CYBRD1: variants seen among roughly 807,000 people sequenced by gnomAD.
CYBRD1 encodes plasma membrane ascorbate-dependent reductase CYBRD1.
Under a neutral mutation model 21.9 loss-of-function variants are expected in CYBRD1, and 14 were observed. The ratio of observed to expected loss-of-function variants is 0.64; its 90% confidence interval spans 0.42 to 1.00. The LOEUF is 1.00. Among genes scored for constraint, CYBRD1 ranks in the 50% least tolerant of loss-of-function variants. The pLI is 0.00. For missense variants in CYBRD1, 328 were observed against 352.5 expected (o/e 0.93, Z 0.56); for synonymous variants, 146 against 136.5 (o/e 1.07, Z -0.48).
chr2:171,541,834 A>G (rs1480932583), intron 2 of CYBRD1, 41 bp downstream of exon 2: 4 of 1,405,166 alleles, frequency 2.8e-6, no homozygotes, highest in Non-Finnish European at 4.0e-6. Context: ...TATAAAAACA[A>G]TTCAGAGACT....
chr2:171,530,865 G>A (rs1189821611), intron 1 of CYBRD1, among the ~76,000 whole-genome samples: 1 of 152,044 alleles, frequency 6.6e-6, no homozygotes, highest in Non-Finnish European at 1.5e-5. Context: ...TTAAAAGGTA[G>A]AACATTCTTC....
intron 2 of CYBRD1, among the ~76,000 whole-genome samples, chr2:171,542,975 A>G (rs948864750): frequency 6.6e-6 from 1 of 152,246 alleles, no homozygotes; most frequent in South Asian, 2.1e-4. Context: ...TTTTGGAAAG[A>G]AAACTTAAAA....
rs543398534 is a variant in CYBRD1 at position 171,557,384 on chromosome 2, T to G, written c.*2557T>G. 2.0e-5 allele frequency: 3 copies of G among 152,352 alleles called. No homozygotes were observed. The highest frequency in any genetic ancestry group is 4.4e-5 in the Non-Finnish European group (3 of 68,020). 9.4% of individuals were successfully genotyped at this position (152,352 alleles called of 1,614,324 possible). A position where few individuals can be genotyped will look rare whatever the true frequency, so the allele number is the denominator to read the frequency against. On this transcript the variant is annotated 3_prime_UTR_variant, in exon 4 of 4. Transcript: ENST00000321348. ...TGTCATCTCCAGAGATAATCTGGCT[T>G]GGTTTACCCCATAATCTAATTTCAG...
chr2:171,554,513 T>C lies in CYBRD1; in HGVS notation c.558-11T>C, dbSNP rs1559322064. 6.2e-7 allele frequency: 1 copy of C among 1,613,380 alleles called. No homozygotes were observed. The highest frequency in any genetic ancestry group is 8.5e-7 in the Non-Finnish European group (1 of 1,179,418). Reference sequence around the variant, plus strand: ...TCCTGTTTGTAATTGGATACATCTCTTATTTCATAGGAGAGATCCTGCATA... The same window carrying C: ...TCCTGTTTGTAATTGGATACATCTCCTATTTCATAGGAGAGATCCTGCATA... On this transcript the variant is annotated splice_polypyrimidine_tract_variant and intron_variant, in intron 3 of 3. Transcript: ENST00000321348.
intron 1 of CYBRD1, among the ~76,000 whole-genome samples, chr2:171,525,411 T>A (rs1697370020): frequency 6.6e-6 from 1 of 152,152 alleles, no homozygotes; most frequent in African/African-American, 2.4e-5. Flanking sequence ...CATGTATAGT[T>A]CTCCCCAGTT....
intron 1 of CYBRD1, among the ~76,000 whole-genome samples, chr2:171,538,794 G>A (rs1055068832): frequency 2.0e-5 from 3 of 151,836 alleles, no homozygotes; most frequent in Admixed American, 6.6e-5. Flanking sequence ...GAAGTTCTTG[G>A]GTGTTTGTTT....
chr2:171,548,759 C>G (rs973245720), intron 2 of CYBRD1, among the ~76,000 whole-genome samples: 2 of 144,254 alleles, frequency 1.4e-5, no homozygotes, highest in African/African-American at 5.2e-5. Context: ...TGTCTAAAAG[C>G]TTACACACAC....
chr2:171,549,982 AAACTTC>A (rs1266392722), intron 2 of CYBRD1, among the ~76,000 whole-genome samples: 2 of 152,246 alleles, frequency 1.3e-5, no homozygotes, highest in African/African-American at 2.4e-5. Context: ...AGTCATTTTC[AAACTTC>A]AACATACGTA....
At chr2:171,525,606 T>C (rs1697373382) in intron 1 of CYBRD1, among the ~76,000 whole-genome samples, 1 of 152,212 alleles carries the variant, frequency 6.6e-6, no homozygotes, top group African/African-American at 2.4e-5. Flanking sequence ...TTTTAGGCTA[T>C]GAGATTTCAA....
intron 1 of CYBRD1, among the ~76,000 whole-genome samples, chr2:171,530,817 T>G (rs2105331764): frequency 6.6e-6 from 1 of 152,066 alleles, no homozygotes; most frequent in African/African-American, 2.4e-5. Flanking sequence ...CCTGCTAGGG[T>G]TTTCTGACTT....
intron 2 of CYBRD1, among the ~76,000 whole-genome samples, chr2:171,552,633 A>G (rs1164963153): frequency 6.6e-6 from 1 of 152,248 alleles, no homozygotes; most frequent in African/African-American, 2.4e-5. Flanking sequence ...AGGATACTTG[A>G]TGGGCAAACG....
chr2:171,528,942 C>A (rs961725720), intron 1 of CYBRD1, among the ~76,000 whole-genome samples: 1 of 152,214 alleles, frequency 6.6e-6, no homozygotes, highest in African/African-American at 2.4e-5. Flanking sequence ...ATTCAAAATA[C>A]AGTATTATCT....
At chr2:171,533,475 G>A (rs781491796) in intron 1 of CYBRD1, among the ~76,000 whole-genome samples, 19 of 152,340 alleles carry the variant, frequency 1.2e-4, no homozygotes, top group Non-Finnish European at 2.2e-4. Context: ...CCGCCTTCAT[G>A]AATCACAAGA....
chr2:171,522,239 C>T, upstream of CYBRD1: 1 of 1,549,992 alleles, frequency 6.5e-7, no homozygotes, highest in Non-Finnish European at 8.7e-7. The surrounding 1 kb of genome is among the most constrained non-coding windows in gnomAD (Gnocchi z 4.3). Context: ...GAGCAACTAA[C>T]TAGGTCTGTT....
At chr2:171,548,166 A>G (rs1423964672) in intron 2 of CYBRD1, among the ~76,000 whole-genome samples, 1 of 152,078 alleles carries the variant, frequency 6.6e-6, no homozygotes, top group Non-Finnish European at 1.5e-5. Context: ...GTGTCATTAC[A>G]CTGGAGGAAT....
chr2:171,533,402 C>T (rs544890947), intron 1 of CYBRD1, among the ~76,000 whole-genome samples: 3 of 152,288 alleles, frequency 2.0e-5, no homozygotes, highest in African/African-American at 7.2e-5. Context: ...TACTGAATTC[C>T]TACTATATGC....
Position 171,545,129 on chromosome 2 carries a change from A to T in CYBRD1, c.402+3336A>T, listed in dbSNP as rs567173045. On this transcript the variant is annotated intron_variant, in intron 2 of 3. Transcript: ENST00000321348. Reference sequence around the variant, plus strand: ...ACTCCAGCCTGGGTGACACAGCAAGACCCTGTCTCAAAAAAAAAAAAAAAA... The same window carrying T: ...ACTCCAGCCTGGGTGACACAGCAAGTCCCTGTCTCAAAAAAAAAAAAAAAA... 3.2e-4 allele frequency among the ~76,000 whole-genome samples: 44 copies of T among 138,260 alleles called. No homozygotes were observed. In the South Asian group the frequency reaches 9.5e-3, roughly 30 times the overall value. 90.7% of individuals were successfully genotyped at this position (138,260 alleles called of 152,430 possible).
intron 1 of CYBRD1, among the ~76,000 whole-genome samples, chr2:171,524,825 T>C (rs1012057373): frequency 6.6e-6 from 1 of 152,220 alleles, no homozygotes; most frequent in Non-Finnish European, 1.5e-5. Context: ...TTCTAAAAGG[T>C]TTTTAAATTT....
At chr2:171,544,531 C>G (rs950239498) in intron 2 of CYBRD1, among the ~76,000 whole-genome samples, 2 of 151,750 alleles carry the variant, frequency 1.3e-5, no homozygotes, top group African/African-American at 4.8e-5. Flanking sequence ...AAAAACAAAC[C>G]AAAAAAACCC....
Sources: gnomAD v4.1 joint callset for allele counts (sites outside exome capture counted in the v4.1 genomes callset) on GRCh38, gnomAD v4.1.1 for gene constraint, Gnocchi (gnomAD v3.1) non-coding constraint, MANE v1.5 for transcripts, NCBI Gene and HGNC (gene_info 2026-07-23, HGNC 2026-07-21) for gene names.